The following PRKAR2A variants were observed in gnomAD, a reference collection of about 807,000 sequenced individuals.
The protein encoded by PRKAR2A is cAMP-dependent protein kinase type II-alpha regulatory subunit.
A neutral mutation model predicts 51.9 loss-of-function variants in PRKAR2A; 29 were observed. The observed-to-expected ratio is 0.56, with a 90% CI of 0.42 to 0.76. The LOEUF is 0.76. Among genes scored for constraint, PRKAR2A ranks in the 30% least tolerant of loss-of-function variants. The probability of loss-of-function intolerance (pLI) is 0.00; values close to 1 mark genes in which losing one functional copy is unlikely to be tolerated. For missense variants in PRKAR2A, 445 were observed against 512.1 expected (o/e 0.87, Z 1.26); for synonymous variants, 178 against 186.2 (o/e 0.96, Z 0.36).
chr3:48,781,872 C>T (rs981882573), intron 5 of PRKAR2A, among the ~76,000 whole-genome samples: 2 of 152,008 alleles, frequency 1.3e-5, no homozygotes, highest in East Asian at 1.9e-4. Context: ...TTTCGAACTC[C>T]GGACCTCAAG....
At chr3:48,800,127 G>A (rs1004110496) in intron 2 of PRKAR2A, among the ~76,000 whole-genome samples, 5 of 151,288 alleles carry the variant, frequency 3.3e-5, no homozygotes, top group Non-Finnish European at 7.4e-5. Flanking sequence ...CAAAGTGCTG[G>A]GATTACAGGC....
intron 6 of PRKAR2A, among the ~76,000 whole-genome samples, chr3:48,772,209 T>C (rs1017398524): frequency 1.3e-5 from 2 of 152,222 alleles, no homozygotes; most frequent in Admixed American, 1.3e-4. Flanking sequence ...GGCTATTCCA[T>C]CTTGGTCTGA....
intron 1 of PRKAR2A, among the ~76,000 whole-genome samples, chr3:48,825,850 C>A (rs2083054894): frequency 6.6e-6 from 1 of 152,152 alleles, no homozygotes. Context: ...AATTCTGATG[C>A]TAACACTAGG....
intron 5 of PRKAR2A, among the ~76,000 whole-genome samples, chr3:48,773,647 T>C (rs1472163638): frequency 6.6e-6 from 1 of 151,918 alleles, no homozygotes; most frequent in Non-Finnish European, 1.5e-5. Flanking sequence ...TAGAATTTTC[T>C]ACATAGAGGA....
intron 6 of PRKAR2A, among the ~76,000 whole-genome samples, chr3:48,767,997 C>A (rs748037125): frequency 8.2e-4 from 124 of 150,920 alleles, no homozygotes; most frequent in Middle Eastern, 3.6e-3. Context: ...TTAAAAAAAA[C>A]CCATACAGGC....
rs529652840 is a variant in PRKAR2A at position 48,838,857 on chromosome 3, G to A, written c.262+8478C>T. Among the ~76,000 whole-genome samples the A allele has an allele frequency of 3.9e-5, 6 of 151,922 alleles. No individual in the cohort carries two copies. The East Asian group carries it at 7.8e-4, about 20-fold the overall frequency. ...AAATTAGCTAGGCATGGTGGTGGGC[G>A]CCTGTAGTCCCAGCTACTCGGGAGG... is the stretch of plus-strand genomic sequence containing the variant. On this transcript the variant is annotated intron_variant, in intron 1 of 10. Coordinates refer to ENST00000265563, the MANE Select transcript of PRKAR2A (RefSeq NM_004157.4).
chr3:48,783,013 T>C lies in PRKAR2A; in HGVS notation c.515A>G (p.Asp172Gly). Residue 172 changes from aspartate (D) to glycine (G), a missense_variant, in exon 5 of 11, where the codon GAT (aspartate) becomes GGT (glycine). Coordinates refer to ENST00000265563, the MANE Select transcript of PRKAR2A (RefSeq NM_004157.4). ...TTCTATGACATAAAAGTTGTCTCCA[T>C]CATCTCCTTGGTCAATGACATGCTC... ...ADEHVIDQGD[D>G]GDNFYVIERG... The C allele has an allele frequency of 1.2e-6, 2 of 1,613,320 alleles. No homozygotes were observed. The highest frequency in any genetic ancestry group is 1.7e-6 in the Non-Finnish European group (2 of 1,179,368).
In PRKAR2A at chr3:48,843,523, G is replaced by A. The variant is rs1346075961; in HGVS notation, c.262+3812C>T. 1.3e-4 allele frequency among the ~76,000 whole-genome samples: 19 copies of A among 151,684 alleles called. No individual in the cohort carries two copies. The South Asian group carries it at 1.7e-3, about 13-fold the overall frequency. Reference sequence around the variant, plus strand: ...ATGGAACCAAAAAAGAGCCCGCATCGCCAAGTCAATCCTAAGCCAAAAGAA... The same window carrying A: ...ATGGAACCAAAAAAGAGCCCGCATCACCAAGTCAATCCTAAGCCAAAAGAA... On this transcript the variant is annotated intron_variant, in intron 1 of 10. Coordinates refer to ENST00000265563, the MANE Select transcript of PRKAR2A (RefSeq NM_004157.4).
At chr3:48,776,471 T>C (rs934302814) in intron 5 of PRKAR2A, among the ~76,000 whole-genome samples, 1 of 152,166 alleles carries the variant, frequency 6.6e-6, no homozygotes, top group Non-Finnish European at 1.5e-5. Flanking sequence ...ATATATATCA[T>C]GGAGTCATTA....
chr3:48,771,561 T>A (rs1472821343), intron 6 of PRKAR2A, among the ~76,000 whole-genome samples: 1 of 152,196 alleles, frequency 6.6e-6, no homozygotes, highest in East Asian at 1.9e-4. Context: ...CACATTCTGA[T>A]TTCATTTTTT....
intron 2 of PRKAR2A, among the ~76,000 whole-genome samples, chr3:48,800,766 C>T (rs975928246): frequency 1.3e-5 from 2 of 151,976 alleles, no homozygotes; most frequent in African/African-American, 4.8e-5. Flanking sequence ...CTCCACCTCC[C>T]GGGTTCACGC....
intron 8 of PRKAR2A, among the ~76,000 whole-genome samples, chr3:48,762,810 A>G (rs2081882405): frequency 6.6e-6 from 1 of 152,186 alleles, no homozygotes; most frequent in African/African-American, 2.4e-5. Flanking sequence ...ATTAGCAATA[A>G]AAAGGAACGA....
rs1021422511 is a variant in PRKAR2A at position 48,790,482 on chromosome 3, T to G, written c.435+62A>C. ...AGGGTGCTAAAAATTAAAGTTTAAGTGACAAATAGGAGCAAAGCTAAAAGA... is the reference window on the plus strand; with the variant it reads ...AGGGTGCTAAAAATTAAAGTTTAAGGGACAAATAGGAGCAAAGCTAAAAGA... On this transcript the variant is annotated intron_variant, in intron 4 of 10. Transcript: ENST00000265563. 4 of 1,243,166 alleles carry G rather than the reference T, an allele frequency of 3.2e-6. No individual in the cohort carries two copies. The African/African-American group carries it at 6.2e-5, about 19-fold the overall frequency. The allele number at this position is 1,243,166 out of a possible 1,614,324, so 77.0% of individuals were successfully genotyped here. A position where few individuals can be genotyped will look rare whatever the true frequency, so the allele number is the denominator to read the frequency against.
chr3:48,787,756 C>T (rs1294260796), intron 4 of PRKAR2A, among the ~76,000 whole-genome samples: 1 of 152,202 alleles, frequency 6.6e-6, no homozygotes, highest in Non-Finnish European at 1.5e-5. Flanking sequence ...CTGAGTAAAG[C>T]TCTGGCTATT....
chr3:48,840,121 T>C (rs867972592), intron 1 of PRKAR2A, among the ~76,000 whole-genome samples: 1 of 152,226 alleles, frequency 6.6e-6, no homozygotes. Flanking sequence ...TCATACATTA[T>C]TTGTCCTTTT....
intron 3 of PRKAR2A, among the ~76,000 whole-genome samples, chr3:48,792,303 G>C (rs1284513595): frequency 6.8e-6 from 1 of 147,646 alleles, no homozygotes; most frequent in African/African-American, 2.5e-5. Context: ...CACCACGCCT[G>C]GCTAATTTTT....
intron 4 of PRKAR2A, among the ~76,000 whole-genome samples, chr3:48,784,423 T>G (rs1406491308): frequency 6.6e-6 from 1 of 152,194 alleles, no homozygotes; most frequent in African/African-American, 2.4e-5. Flanking sequence ...AAAGGATGGC[T>G]TGCAACTGAC....
intron 5 of PRKAR2A, among the ~76,000 whole-genome samples, chr3:48,779,607 C>A (rs1559615534): frequency 6.6e-6 from 1 of 151,090 alleles, no homozygotes; most frequent in Non-Finnish European, 1.5e-5. Context: ...ACGGTGAAAC[C>A]CCATCTCCAC....
chr3:48,801,915 T>A (rs553896343), intron 2 of PRKAR2A, among the ~76,000 whole-genome samples: 2 of 152,196 alleles, frequency 1.3e-5, no homozygotes, highest in South Asian at 2.1e-4. Flanking sequence ...TATTTATTTA[T>A]TTAATTTTTT....
Sources: allele counts gnomAD v4.1 joint callset (sites outside exome capture counted in the v4.1 genomes callset), GRCh38; gene constraint gnomAD v4.1.1; transcripts MANE v1.5; gene names NCBI Gene and HGNC (gene_info 2026-07-23, HGNC 2026-07-21).